TRAPPC9: variants seen among roughly 807,000 people sequenced by gnomAD.
TRAPPC9 encodes IKK2 binding protein.
A neutral mutation model predicts 124.0 loss-of-function variants in TRAPPC9; 83 were observed. The ratio of observed to expected loss-of-function variants is 0.67; its 90% CI spans 0.56 to 0.80. The LOEUF (loss-of-function observed/expected upper bound fraction) is 0.80. TRAPPC9 is among the 30% of genes least tolerant of loss of function. TRAPPC9 has a pLI of 0.00. For synonymous variants in TRAPPC9, 638 were observed against 617.5 expected (o/e 1.03, Z -0.49); for missense variants, 1,302 against 1,508.3 (o/e 0.86, Z 2.27).
chr8:139,741,442 C>T (rs114293439), intron 21 of TRAPPC9, among the ~76,000 whole-genome samples: 1,635 of 152,138 alleles, frequency 0.011, 32 homozygotes, highest in African/African-American at 0.037. Context: ...GGTGCTGAGC[C>T]CCCACTGGAT....
chr8:140,257,351 C>G lies in TRAPPC9; in HGVS notation c.2279-4422G>C, dbSNP rs1235294173. The stretch of plus-strand genomic sequence containing the variant: ...TCTTCTCCACGCAGCAGTGCTGGCA[C>G]TGGCCTGGGCCTCTTCTGCGCTGAG... On this transcript the variant is annotated intron_variant, in intron 15 of 22. Coordinates refer to ENST00000438773, the MANE Select transcript of TRAPPC9 (RefSeq NM_001160372.4). The surrounding 1 kb of genome is among the most constrained non-coding windows in gnomAD (Gnocchi z 4.6). 6.6e-6 allele frequency among the ~76,000 whole-genome samples: 1 copy of G among 152,242 alleles called. No individual in the cohort carries two copies. Among genetic ancestry groups the G allele is most frequent in the Non-Finnish European group, 1.5e-5 (1 of 68,038 alleles).
rs118093331 is a variant in TRAPPC9, at chr8:139,831,765, T to C, written c.3055+54114A>G. 7.8e-3 allele frequency among the ~76,000 whole-genome samples: 1,181 copies of C among 152,280 alleles called. 10 individuals carry two copies. Among genetic ancestry groups the C allele is most frequent in the Middle Eastern group, 0.014 (4 of 294 alleles). ...AAGCAACTTGCCGCAGTGAAAGTGTTACTCTCCTCAATTTAGAGAGGGGAA... is the reference window on the plus strand; with the variant it reads ...AAGCAACTTGCCGCAGTGAAAGTGTCACTCTCCTCAATTTAGAGAGGGGAA... On this transcript the variant is annotated intron_variant, in intron 21 of 22. Coordinates refer to ENST00000438773, the MANE Select transcript of TRAPPC9 (RefSeq NM_001160372.4).
At chr8:140,339,426 ATAC>A in intron 9 of TRAPPC9, among the ~76,000 whole-genome samples, 1 of 152,360 alleles carries the variant, frequency 6.6e-6, no homozygotes, top group African/African-American at 2.4e-5. Context: ...TCAGTATCTA[ATAC>A]AGAGATCTTT....
chr8:139,855,216 C>G (rs558632570), intron 21 of TRAPPC9, among the ~76,000 whole-genome samples: 1 of 152,260 alleles, frequency 6.6e-6, no homozygotes, highest in East Asian at 1.9e-4. Context: ...ACTATCAAAC[C>G]AAAATAGGTA....
chr8:140,311,499 C>A (rs2066298045), intron 9 of TRAPPC9, 125 bp from the exon 10 acceptor site: 9 of 1,167,278 alleles, frequency 7.7e-6, no homozygotes, highest in Middle Eastern at 2.1e-4. Flanking sequence ...AATGAAGGGG[C>A]AGTGAGCAAA....
At chr8:140,016,083 C>T (rs1343115081) in intron 18 of TRAPPC9, among the ~76,000 whole-genome samples, 2 of 152,162 alleles carry the variant, frequency 1.3e-5, no homozygotes, top group African/African-American at 2.4e-5. Flanking sequence ...ATTAGTACAA[C>T]GTTTCATTTT....
At chr8:140,264,628 G>A (rs1358632491) in intron 15 of TRAPPC9, among the ~76,000 whole-genome samples, 1 of 149,970 alleles carries the variant, frequency 6.7e-6, no homozygotes. Context: ...GAGAGAGAGC[G>A]GAGGGGGAGG....
At chr8:140,430,913 T>TA (rs1479628945) in intron 4 of TRAPPC9, among the ~76,000 whole-genome samples, 1 of 152,104 alleles carries the variant, frequency 6.6e-6, no homozygotes, top group Non-Finnish European at 1.5e-5. Context: ...GTGCTAGGAT[T>TA]ACAGGTGTGA....
intron 17 of TRAPPC9, among the ~76,000 whole-genome samples, chr8:140,181,615 A>T (rs1313394539): frequency 6.6e-6 from 1 of 152,074 alleles, no homozygotes; most frequent in East Asian, 1.9e-4. Flanking sequence ...TTTATTTTAG[A>T]ATCTCCATGA....
intron 8 of TRAPPC9, among the ~76,000 whole-genome samples, chr8:140,369,524 T>C (rs536329299): frequency 1.6e-4 from 24 of 152,336 alleles, no homozygotes; most frequent in African/African-American, 5.5e-4. Flanking sequence ...AGAAACATAA[T>C]GTTTAATTCA....
Position 140,272,276 on chromosome 8 carries a change from A to G in TRAPPC9, c.2278+3382T>C, listed in dbSNP as rs111206295. 8.9e-4 allele frequency among the ~76,000 whole-genome samples: 114 copies of G among 127,710 alleles called. 1 individual carries two copies. Among genetic ancestry groups the G allele is most frequent in the African/African-American group, 3.1e-3 (109 of 35,204 alleles). 83.8% of individuals were successfully genotyped at this position (127,710 alleles called of 152,430 possible). ...GGTTGGGGTGGTGTTTGTGGTGGTG[A>G]CGATGGTGGTGGCAGTTGTGACAGT... On this transcript the variant is annotated intron_variant, in intron 15 of 22. Coordinates refer to ENST00000438773, the MANE Select transcript of TRAPPC9 (RefSeq NM_001160372.4).
chr8:140,093,389 C>T (rs1400387711), intron 17 of TRAPPC9, among the ~76,000 whole-genome samples: 1 of 152,174 alleles, frequency 6.6e-6, no homozygotes, highest in Non-Finnish European at 1.5e-5. Context: ...GGCTTCAGGC[C>T]AGTTGCGGTG....
chr8:140,297,891 A>G (rs1354192936), intron 11 of TRAPPC9, among the ~76,000 whole-genome samples: 1 of 152,256 alleles, frequency 6.6e-6, no homozygotes, highest in Non-Finnish European at 1.5e-5. Context: ...TGTGAGGTCC[A>G]GGTAATAGGT....
intron 20 of TRAPPC9, among the ~76,000 whole-genome samples, chr8:139,896,195 G>GC (rs1309515061): frequency 3.9e-5 from 6 of 152,322 alleles, no homozygotes; most frequent in African/African-American, 1.4e-4. Context: ...GGCAAGGCTG[G>GC]CTGAAGGCAG....
chr8:140,066,505 G>A (rs1243157219), intron 17 of TRAPPC9, among the ~76,000 whole-genome samples: 2 of 152,166 alleles, frequency 1.3e-5, no homozygotes, highest in Non-Finnish European at 2.9e-5. Flanking sequence ...GATATGAGCT[G>A]GGGCAAGACC....
rs975022937 is a variant in TRAPPC9 at position 139,776,228 on chromosome 8, G to A, written c.3056-44026C>T. On this transcript the variant is annotated intron_variant, in intron 21 of 22. Coordinates refer to ENST00000438773, the MANE Select transcript of TRAPPC9 (RefSeq NM_001160372.4). This position sits in a 1 kb window ranked among gnomAD's most constrained non-coding sequence, Gnocchi z 4.1. ...TCCATCCTGCAGGCCTCCTGCACAG[G>A]GACGCCAGGCTGCAGCCTCCCAGTC... Among the ~76,000 whole-genome samples, 2 of 152,264 alleles carry A rather than the reference G, an allele frequency of 1.3e-5. No individual in the cohort carries two copies. The highest frequency in any genetic ancestry group is 2.1e-4 in the South Asian group (1 of 4,826).
intron 7 of TRAPPC9, among the ~76,000 whole-genome samples, chr8:140,372,083 G>T (rs1484103879): frequency 6.6e-6 from 1 of 152,218 alleles, no homozygotes; most frequent in African/African-American, 2.4e-5. Flanking sequence ...CATCCTGTGA[G>T]CTGGCAAATA....
intron 18 of TRAPPC9, among the ~76,000 whole-genome samples, chr8:139,989,594 C>A (rs2131714511): frequency 6.6e-6 from 1 of 152,340 alleles, no homozygotes; most frequent in Middle Eastern, 3.4e-3. Context: ...TCCTCATTCC[C>A]CTTCCTTTCT....
At chr8:140,444,692 C>G (rs1461126381) in intron 2 of TRAPPC9, among the ~76,000 whole-genome samples, 4 of 151,098 alleles carry the variant, frequency 2.6e-5, no homozygotes, top group African/African-American at 7.4e-5. Flanking sequence ...GAGACCCCCC[C>G]CATCTCTACT....
Sources: gnomAD v4.1 joint callset for allele counts (sites outside exome capture counted in the v4.1 genomes callset) on GRCh38, gnomAD v4.1.1 for gene constraint, Gnocchi (gnomAD v3.1) non-coding constraint, MANE v1.5 for transcripts, NCBI Gene and HGNC (gene_info 2026-07-23, HGNC 2026-07-21) for gene names.